AFM: variants seen among roughly 807,000 people sequenced by gnomAD.
AFM encodes afamin.
Under a neutral mutation model 68.7 loss-of-function variants are expected in AFM, and 82 were observed. The ratio of observed to expected loss-of-function variants is 1.19; its 90% confidence interval spans 1.00 to 1.43. The LOEUF is 1.43. AFM is among the 40% of genes most tolerant of loss of function. The pLI, the probability that AFM is intolerant of heterozygous loss-of-function variation, is 0.00. For missense variants in AFM, 772 were observed against 701.8 expected, an observed-to-expected ratio of 1.10 and a Z score of -1.13; for synonymous variants, 250 against 234.2, an observed-to-expected ratio of 1.07 and a Z score of -0.61.
intron 4 of AFM, among the ~76,000 whole-genome samples, chr4:73,486,415 C>T (rs896600477): frequency 6.6e-6 from 1 of 152,160 alleles, no homozygotes; most frequent in South Asian, 2.1e-4. Flanking sequence ...CTCAGGCAGA[C>T]ATTCAATTAC....
chr4:73,482,603 C>T (rs1045951667), intron 1 of AFM, among the ~76,000 whole-genome samples: 37 of 152,198 alleles, frequency 2.4e-4, no homozygotes, highest in Non-Finnish European at 1.2e-4. Context: ...CCTTTTCCCT[C>T]GTAACAACCT....
chr4:73,501,787 G>A lies in AFM; in HGVS notation c.1647G>A (p.Arg549=). ...QNEELQRKTD[R]FLVNLVKLKH... ...TTTATTTGACATCTTTTGGCCACAG[G>A]TTTCTTGTCAACTTAGTGAAGCTGA... The change falls in exon 13 of 15, where the codon AGG becomes AGA. Residue 549 remains arginine (R), a splice_region_variant and synonymous_variant. Transcript: ENST00000226355. 6.2e-7 allele frequency: 1 copy of A among 1,611,540 alleles called. No individual in the cohort carries two copies. Among genetic ancestry groups the A allele is most frequent in the Non-Finnish European group, 8.5e-7 (1 of 1,178,992 alleles).
chr4:73,491,987 A>T lies in AFM; in HGVS notation c.959A>T (p.Asp320Val), dbSNP rs1721082867. The T allele has an allele frequency of 1.2e-6, 2 of 1,613,992 alleles. No homozygotes were observed. The highest frequency in any genetic ancestry group is 1.7e-6 in the Non-Finnish European group (2 of 1,179,966). Residue 320 changes from aspartate (D) to valine (V), a missense_variant, in exon 8 of 15, where the codon GAT becomes GTT. By Grantham distance (152) the Asp-to-Val change is radical. Transcript: ENST00000226355. ...RGQCIINSNK[D>V]DRPKDLSLRE... ...CAGTGCATAATTAACTCAAACAAAG[A>T]TGATAGACCAAAGGATTTATCTCTA...
intron 13 of AFM, among the ~76,000 whole-genome samples, chr4:73,502,134 A>T (rs1041071707): frequency 6.6e-6 from 1 of 152,226 alleles, no homozygotes; most frequent in Non-Finnish European, 1.5e-5. Flanking sequence ...CCTGGGTTGT[A>T]ACCCCAGCAG....
At chr4:73,495,935 C>T (rs1721240842) in intron 9 of AFM, among the ~76,000 whole-genome samples, 1 of 152,212 alleles carries the variant, frequency 6.6e-6, no homozygotes, top group South Asian at 2.1e-4. Flanking sequence ...CTCTTCAGTA[C>T]ATATACGTAT....
rs545055530 is a variant in AFM at position 73,484,076 on chromosome 4, A to T, written c.137+87A>T. On this transcript the variant is annotated intron_variant, in intron 2 of 14. Coordinates refer to ENST00000226355, the MANE Select transcript of AFM (RefSeq NM_001133.2). Reference sequence around the variant, plus strand: ...ATGCTTCTCAAAAGTAATTTAACTAAATAGAAGCCATATCCAAGAAGACAA... The same window carrying T: ...ATGCTTCTCAAAAGTAATTTAACTATATAGAAGCCATATCCAAGAAGACAA... 8 of 1,379,156 alleles carry T rather than the reference A, an allele frequency of 5.8e-6. No homozygotes were observed. In the East Asian group the frequency reaches 9.9e-5, roughly 17 times the overall value. The allele number at this position is 1,379,156 out of a possible 1,614,324, so 85.4% of individuals were successfully genotyped here. A position where few individuals can be genotyped will look rare whatever the true frequency, so the allele number is the denominator to read the frequency against.
chr4:73,500,367 T>A, intron 12 of AFM, 140 bp downstream of exon 12: 2 of 752,806 alleles, frequency 2.7e-6, no homozygotes. Flanking sequence ...CTCTTCTATA[T>A]GGAAAAATAC....
At chr4:73,490,707 G>T (rs757610285) in intron 7 of AFM, among the ~76,000 whole-genome samples, 17 of 152,102 alleles carry the variant, frequency 1.1e-4, no homozygotes, top group Non-Finnish European at 1.9e-4. Context: ...GAAATTTGAG[G>T]CTTAGGTTAA....
intron 12 of AFM, among the ~76,000 whole-genome samples, chr4:73,500,727 T>C (rs1334662432): frequency 6.6e-6 from 1 of 152,186 alleles, no homozygotes; most frequent in African/African-American, 2.4e-5. Context: ...GGAGGTTGTT[T>C]TGGACATGAA....
In AFM at chr4:73,487,765, T is replaced by C. The variant is rs763407099; in HGVS notation, c.657T>C (p.Tyr219=). 1.9e-6 allele frequency: 3 copies of C among 1,613,422 alleles called. No homozygotes were observed. The highest frequency in any genetic ancestry group is 2.2e-5 in the East Asian group (1 of 44,836). The stretch of plus-strand genomic sequence containing the variant: ...AATATTTAAAAGCATTTTCTTCTTA[T>C]CAAAAACATGTCTGTGGGGCACTTT... ...VTQYLKAFSS[Y]QKHVCGALLK... The change falls in exon 6 of 15, where the codon TAT becomes TAC. Residue 219 remains tyrosine, a synonymous_variant. Coordinates refer to ENST00000226355, the MANE Select transcript of AFM (RefSeq NM_001133.2).
At chr4:73,488,841 GTTACTTTGC>G in intron 7 of AFM, 82 bp downstream of exon 7, 1 of 1,343,914 alleles carries the variant, frequency 7.4e-7, no homozygotes, top group Non-Finnish European at 1.0e-6. Flanking sequence ...CTGATATGTG[GTTACTTTGC>G]CACAATGAAA....
chr4:73,488,831 C>T, intron 7 of AFM, 72 bp downstream of exon 7: 2 of 1,465,706 alleles, frequency 1.4e-6, no homozygotes, highest in East Asian at 2.4e-5. Flanking sequence ...TCAAGTTGCC[C>T]TGATATGTGG....
chr4:73,488,791 T>A (rs1720987595), intron 7 of AFM, 32 bp downstream of exon 7: 17 of 1,577,866 alleles, frequency 1.1e-5, no homozygotes, highest in Non-Finnish European at 1.4e-5. Context: ...GTTAAAATAG[T>A]GATTTTTGGC....
rs761630747 is a variant in AFM, at chr4:73,487,713, T to C, written c.616-11T>C. The C allele has an allele frequency of 6.4e-7, 1 of 1,565,498 alleles. No individual in the cohort carries two copies. Among genetic ancestry groups the C allele is most frequent in the South Asian group, 1.1e-5 (1 of 88,462 alleles). On this transcript the variant is annotated splice_polypyrimidine_tract_variant and intron_variant, in intron 5 of 14. Coordinates refer to ENST00000226355, the MANE Select transcript of AFM (RefSeq NM_001133.2). ...CTATTGTTTCAAAAGAATTTTCTCT[T>C]TCTTCTTCAGGCAATACCTGTCACA...
rs142460394 is a variant in AFM at position 73,485,561 on chromosome 4, G to C, written c.271-301G>C. 4.0e-4 allele frequency among the ~76,000 whole-genome samples: 59 copies of C among 148,390 alleles called. No individual in the cohort carries two copies. In the East Asian group the frequency reaches 1.0e-2, roughly 25 times the overall value. On this transcript the variant is annotated intron_variant, in intron 3 of 14. Coordinates refer to ENST00000226355, the MANE Select transcript of AFM (RefSeq NM_001133.2). Reference sequence around the variant, plus strand: ...AAAACAAGGAGAAGGAGAAGGAGGAGAAGGAGAAGGAGAAAGAGAAGGAGA... The same window carrying C: ...AAAACAAGGAGAAGGAGAAGGAGGACAAGGAGAAGGAGAAAGAGAAGGAGA...
chr4:73,492,150 G>A (rs185253366), intron 8 of AFM, 64 bp downstream of exon 8: 2 of 1,467,548 alleles, frequency 1.4e-6, no homozygotes, highest in East Asian at 4.7e-5. Context: ...TTTGACTTTT[G>A]TTGCTAATTT....
At chr4:73,485,201 C>T (rs1720857363) in intron 3 of AFM, among the ~76,000 whole-genome samples, 1 of 152,102 alleles carries the variant, frequency 6.6e-6, no homozygotes, top group South Asian at 2.1e-4. Flanking sequence ...ATCTGCATCT[C>T]CAAAAAACTA....
At chr4:73,490,629 G>T (rs1721046252) in intron 7 of AFM, among the ~76,000 whole-genome samples, 1 of 152,048 alleles carries the variant, frequency 6.6e-6, no homozygotes, top group Non-Finnish European at 1.5e-5. Context: ...CACTGTATTA[G>T]CCAGGATGTA....
At position 73,502,037 on chromosome 4, in the gene AFM, G is replaced by C. The variant is rs546729217; in HGVS notation, c.1779+118G>C. 4.2e-5 allele frequency: 46 copies of C among 1,106,860 alleles called. No individual in the cohort carries two copies. The South Asian group carries it at 7.1e-4, about 17-fold the overall frequency. 68.6% of individuals were successfully genotyped at this position (1,106,860 alleles called of 1,614,324 possible). ...GTGTCTACCAGGACTACATTTGAGA[G>C]CACAATTGCTACACAACTAATATGT... On this transcript the variant is annotated intron_variant, in intron 13 of 14. Coordinates refer to ENST00000226355, the MANE Select transcript of AFM (RefSeq NM_001133.2).
Sources: allele counts gnomAD v4.1 joint callset (sites outside exome capture counted in the v4.1 genomes callset), GRCh38; gene constraint gnomAD v4.1.1; transcripts MANE v1.5; gene names NCBI Gene and HGNC (gene_info 2026-07-23, HGNC 2026-07-21).